CTNNA2: variants seen among roughly 807,000 people sequenced by gnomAD.
CTNNA2 encodes the protein catenin alpha 2.
Under a neutral mutation model 101.0 loss-of-function variants are expected in CTNNA2, and 42 were observed. The ratio of observed to expected loss-of-function variants is 0.42; its 90% CI spans 0.32 to 0.54. The LOEUF (loss-of-function observed/expected upper bound fraction) is 0.54, where lower values mean the gene tolerates loss of function less well. Ranked by LOEUF, CTNNA2 falls within the 20% of genes least tolerant of loss-of-function variation. CTNNA2 has a pLI of 0.14. For synonymous variants in CTNNA2, 450 were observed against 456.4 expected (o/e 0.99, Z 0.18); for missense variants, 871 against 1,223.1 (o/e 0.71, Z 4.29).
intron 3 of CTNNA2, among the ~76,000 whole-genome samples, chr2:79,800,904 G>A (rs796623877): frequency 4.6e-5 from 7 of 152,300 alleles, no homozygotes; most frequent in African/African-American, 1.4e-4. Flanking sequence ...AGTGGTTATG[G>A]AGATTTACTG....
At chr2:79,514,933 T>C (rs1671729758) in intron 1 of CTNNA2, among the ~76,000 whole-genome samples, 1 of 152,212 alleles carries the variant, frequency 6.6e-6, no homozygotes. Flanking sequence ...AGTAGTGCAA[T>C]ATGCAGTTTT....
chr2:79,521,109 T>G (rs1357732268), intron 1 of CTNNA2, among the ~76,000 whole-genome samples: 43 of 290 alleles, frequency 0.15, no homozygotes, highest in Non-Finnish European at 0.27. Context: ...AAGCTGCTGA[T>G]ATATATATAT....
chr2:79,411,484 G>A (rs1678410096), intron 4 of CTNNA2, among the ~76,000 whole-genome samples: 1 of 151,988 alleles, frequency 6.6e-6, no homozygotes, highest in Admixed American at 6.6e-5. Context: ...AATGTTAAGG[G>A]CAGCCAGAGA....
At chr2:80,569,522 A>C (rs1231847507) in intron 12 of CTNNA2, among the ~76,000 whole-genome samples, 1 of 151,964 alleles carries the variant, frequency 6.6e-6, no homozygotes, top group East Asian at 1.9e-4. Context: ...CAATGTGTGC[A>C]TCACAAAGGC....
chr2:80,074,196 T>C (rs1419169786), intron 7 of CTNNA2, among the ~76,000 whole-genome samples: 2 of 152,156 alleles, frequency 1.3e-5, no homozygotes, highest in Non-Finnish European at 2.9e-5. Context: ...AGCTTATAGA[T>C]TGGTTTTAGT....
At position 79,513,872 on chromosome 2, in the gene CTNNA2, TTTGA is replaced by T. The variant is rs547972634; in HGVS notation, c.-6+669_-6+672del. ...CAATTTAAAATCCAGCCTTCCCTGC[TTTGA>T]TTGTCTCCGTGAGAAACCACAACGA... On this transcript the variant is annotated intron_variant, in intron 1 of 18. Transcript: ENST00000402739. Among the ~76,000 whole-genome samples, 88 of 152,258 alleles carry T rather than the reference TTTGA, an allele frequency of 5.8e-4. 3 individuals carry two copies. In the South Asian group the frequency reaches 0.018, roughly 31 times the overall value.
chr2:80,004,290 A>G (rs772389257), intron 7 of CTNNA2, among the ~76,000 whole-genome samples: 1 of 152,164 alleles, frequency 6.6e-6, no homozygotes, highest in African/African-American at 2.4e-5. Context: ...GCATAATTCA[A>G]TGCTTAATGT....
chr2:80,594,938 G>T (rs543871910), intron 15 of CTNNA2, among the ~76,000 whole-genome samples: 1 of 152,018 alleles, frequency 6.6e-6, no homozygotes, highest in African/African-American at 2.4e-5. Flanking sequence ...ATCAAAAATT[G>T]TGAGGTCTCC....
intron 2 of CTNNA2, among the ~76,000 whole-genome samples, chr2:79,302,226 AC>A (rs1420478318): frequency 1.3e-5 from 2 of 152,036 alleles, no homozygotes; most frequent in Non-Finnish European, 2.9e-5. Context: ...AACAATGCCT[AC>A]CTCTCACATT....
At chr2:80,026,015 A>G (rs1178218371) in intron 7 of CTNNA2, among the ~76,000 whole-genome samples, 2 of 152,192 alleles carry the variant, frequency 1.3e-5, no homozygotes, top group South Asian at 2.1e-4. Context: ...CATAACAGGG[A>G]TGTGTGTCAC....
At chr2:79,777,075 G>A in intron 3 of CTNNA2, 1 of 152,174 alleles carries the variant, frequency 6.6e-6, no homozygotes, top group East Asian at 1.9e-4. Context: ...TCCAATCAGA[G>A]CTTTGTTGCT....
intron 2 of CTNNA2, among the ~76,000 whole-genome samples, chr2:79,703,275 C>G (rs1271176016): frequency 3.3e-5 from 5 of 152,184 alleles, no homozygotes; most frequent in Non-Finnish European, 5.9e-5. Context: ...GTTCAAAAAT[C>G]TATTACTTGA....
intron 9 of CTNNA2, among the ~76,000 whole-genome samples, chr2:80,527,670 G>A (rs1405844825): frequency 6.6e-6 from 1 of 152,124 alleles, no homozygotes; most frequent in Non-Finnish European, 1.5e-5. Context: ...GGAGTCATTG[G>A]GAGAGAGAGG....
At chr2:80,198,859 C>A (rs138567931) in intron 7 of CTNNA2, among the ~76,000 whole-genome samples, 151 of 151,916 alleles carry the variant, frequency 9.9e-4, no homozygotes, top group Non-Finnish European at 1.8e-3. Context: ...TGTTTTGTTT[C>A]CTTAAATGAG....
intron 7 of CTNNA2, among the ~76,000 whole-genome samples, chr2:80,289,431 T>C (rs1418562266): frequency 1.3e-5 from 2 of 152,206 alleles, no homozygotes; most frequent in Non-Finnish European, 2.9e-5. Flanking sequence ...AATTTTTATA[T>C]TACTGATTTA....
intron 2 of CTNNA2, among the ~76,000 whole-genome samples, chr2:79,663,605 C>T (rs1158716437): frequency 6.6e-6 from 1 of 152,126 alleles, no homozygotes; most frequent in Non-Finnish European, 1.5e-5. Context: ...TATCATTCTC[C>T]CGACCTCACA....
intron 7 of CTNNA2, among the ~76,000 whole-genome samples, chr2:79,953,117 G>A (rs1031097009): frequency 5.3e-5 from 8 of 152,090 alleles, no homozygotes; most frequent in African/African-American, 1.9e-4. Context: ...TCCTTCTGCT[G>A]ACGTTCAATT....
At chr2:80,324,752 A>G (rs1573721055) in intron 7 of CTNNA2, among the ~76,000 whole-genome samples, 1 of 151,520 alleles carries the variant, frequency 6.6e-6, no homozygotes, top group Non-Finnish European at 1.5e-5. Context: ...TGCTGTTACT[A>G]TGTCTCTTAT....
intron 1 of CTNNA2, among the ~76,000 whole-genome samples, chr2:79,520,901 T>C (rs1385296535): frequency 1.3e-5 from 2 of 151,768 alleles, no homozygotes; most frequent in Non-Finnish European, 2.9e-5. Flanking sequence ...TGGGAAACAG[T>C]TTGGCAGTTT....
Sources: allele counts gnomAD v4.1 joint callset (sites outside exome capture counted in the v4.1 genomes callset), GRCh38; gene constraint gnomAD v4.1.1; transcripts MANE v1.5; gene names NCBI Gene and HGNC (gene_info 2026-07-23, HGNC 2026-07-21).